Variants in ANKRD17 observed in about 807,000 individuals in gnomAD.
ANKRD17 encodes the protein ankyrin repeat domain 17.
ANKRD17 carries 19 observed loss-of-function variants against 229.7 expected under a neutral mutation model. The ratio of observed to expected loss-of-function variants is 0.08; its 90% CI spans 0.06 to 0.12. ANKRD17 has a LOEUF of 0.12. ANKRD17 is among the 10% of genes least tolerant of loss of function. The pLI, the probability that ANKRD17 is intolerant of heterozygous loss-of-function variation, is 1.00. For synonymous variants in ANKRD17, 1,112 were observed against 1,146.1 expected (o/e 0.97, Z 0.60); for missense variants, 2,176 against 3,176.8 (o/e 0.68, Z 7.57).
intron 16 of ANKRD17, among the ~76,000 whole-genome samples, chr4:73,129,800 T>C (rs1038635705): frequency 5.7e-4 from 86 of 150,708 alleles, no homozygotes; most frequent in African/African-American, 2.0e-3. Context: ...AGTCTTGCTC[T>C]GTCGCCAAGG....
At chr4:73,232,710 C>G (rs1000861419) in intron 1 of ANKRD17, among the ~76,000 whole-genome samples, 1 of 152,060 alleles carries the variant, frequency 6.6e-6, no homozygotes, top group African/African-American at 2.4e-5. Flanking sequence ...GAGGCCACCA[C>G]ATGTCTGCAA....
intron 20 of ANKRD17, 98 bp downstream of exon 20, chr4:73,120,783 T>C: frequency 1.0e-6 from 1 of 1,003,220 alleles, no homozygotes; most frequent in Non-Finnish European, 1.4e-6. Context: ...GAGATAAATG[T>C]TACTAGAAAG....
At chr4:73,214,251 T>A (rs895954936) in intron 1 of ANKRD17, among the ~76,000 whole-genome samples, 1 of 152,178 alleles carries the variant, frequency 6.6e-6, no homozygotes, top group Admixed American at 6.5e-5. Flanking sequence ...ACTGGAGAAG[T>A]TGGTACTATG....
At chr4:73,243,566 AGCTT>A (rs1197093894) in intron 1 of ANKRD17, among the ~76,000 whole-genome samples, 1 of 152,218 alleles carries the variant, frequency 6.6e-6, no homozygotes, top group Admixed American at 6.5e-5. Context: ...ACATGACCAA[AGCTT>A]GGCCCACAAG....
chr4:73,140,060 G>C lies in ANKRD17; in HGVS notation c.2556C>G (p.Asn852Lys). 6.2e-7 allele frequency: 1 copy of C among 1,614,052 alleles called. No individual in the cohort carries two copies. Among genetic ancestry groups the C allele is most frequent in the South Asian group, 1.1e-5 (1 of 91,076 alleles). Residue 852 changes from asparagine (N) to lysine (K), a missense_variant, in exon 15 of 34, where the codon AAC (asparagine) becomes AAG (lysine). Physicochemically the swap from Asn to Lys is moderately conservative, Grantham distance 94. Around this residue, in one of 18 missense-constraint regions of ANKRD17, gnomAD observed 275 missense variants for 386.9 expected, o/e 0.71. Coordinates refer to ENST00000358602, the MANE Select transcript of ANKRD17 (RefSeq NM_032217.5). The stretch of plus-strand genomic sequence containing the variant: ...TCTGAATTTGTTCCTCCCTTGTTTT[G>C]TTGAGCTCCTCGATCTTCTCCTTGG... The part of the protein sequence containing the change: ...QLTKEKIEEL[N>K]KTREEQIQKK...
intron 2 of ANKRD17, among the ~76,000 whole-genome samples, chr4:73,172,279 C>CTGAA (rs1734141231): frequency 6.6e-6 from 1 of 152,096 alleles, no homozygotes; most frequent in Non-Finnish European, 1.5e-5. Context: ...ACATAAAGTA[C>CTGAA]TGAAGGCAAA....
intron 17 of ANKRD17, 60 bp from the exon 18 acceptor site, chr4:73,125,118 C>T: frequency 6.3e-7 from 1 of 1,599,198 alleles, no homozygotes; most frequent in Non-Finnish European, 8.5e-7. Flanking sequence ...AATATCTGAC[C>T]TTCAAAATAG....
chr4:73,145,060 G>C (rs372149506), intron 10 of ANKRD17, among the ~76,000 whole-genome samples: 268 of 152,218 alleles, frequency 1.8e-3, no homozygotes, highest in African/African-American at 6.1e-3. Context: ...AGTGAGCACT[G>C]GAAATAATTT....
chr4:73,098,143 T>C lies in ANKRD17; in HGVS notation c.4951A>G (p.Lys1651Glu), dbSNP rs778139385. The change falls in exon 26 of 34, where the codon AAG becomes GAG. Residue 1651 changes from lysine (K) to glutamate (E), a missense_variant. Physicochemically the swap from Lys to Glu is moderately conservative, Grantham distance 56. This residue lies in a region of ANKRD17 where 98 missense variants were observed against 101.0 expected (regional missense o/e 0.97). Coordinates refer to ENST00000358602, the MANE Select transcript of ANKRD17 (RefSeq NM_032217.5). Reference sequence around the variant, plus strand: ...AATGTAACAAGAACTGATGGCTGCTTTTTGCTGCTCACAGTGGTAGTGACC... The same window carrying C: ...AATGTAACAAGAACTGATGGCTGCTCTTTGCTGCTCACAGTGGTAGTGACC... ...AVVTTTVSSK[K>E]QPSVLVTFPK... 3.7e-6 allele frequency: 6 copies of C among 1,613,868 alleles called. No individual in the cohort carries two copies. The highest frequency in any genetic ancestry group is 4.5e-5 in the East Asian group (2 of 44,874).
intron 1 of ANKRD17, among the ~76,000 whole-genome samples, chr4:73,244,898 T>G (rs1386892184): frequency 6.6e-6 from 1 of 152,226 alleles, no homozygotes; most frequent in Non-Finnish European, 1.5e-5. Flanking sequence ...ATATGCCTAC[T>G]AAGTTTGTAG....
At chr4:73,119,211 T>G (rs1726391820) in intron 21 of ANKRD17, among the ~76,000 whole-genome samples, 1 of 152,074 alleles carries the variant, frequency 6.6e-6, no homozygotes, top group South Asian at 2.1e-4. Context: ...TAGAATGAAA[T>G]GACACAGTAA....
At chr4:73,097,087 A>G in intron 27 of ANKRD17, 30 bp downstream of exon 27, 4 of 1,602,010 alleles carry the variant, frequency 2.5e-6, no homozygotes, top group Non-Finnish European at 3.4e-6. Context: ...TATATAGCAC[A>G]TAAAAAGAAT....
At chr4:73,151,151 C>T (rs932019544) in intron 7 of ANKRD17, among the ~76,000 whole-genome samples, 31 of 152,100 alleles carry the variant, frequency 2.0e-4, no homozygotes, top group African/African-American at 7.5e-4. Flanking sequence ...GCCGAGATTA[C>T]AGTCATAAGC....
chr4:73,214,742 G>A (rs1408467155), intron 1 of ANKRD17, among the ~76,000 whole-genome samples: 11 of 150,540 alleles, frequency 7.3e-5, no homozygotes, highest in Admixed American at 5.3e-4. Context: ...AGTCGCTCAC[G>A]CCTGTAATGC....
At chr4:73,153,831 T>C in intron 6 of ANKRD17, 49 bp downstream of exon 6, 3 of 1,215,742 alleles carry the variant, frequency 2.5e-6, no homozygotes, top group Non-Finnish European at 3.3e-6. Context: ...AAAATAATTA[T>C]AATTTCACAT....
chr4:73,256,745 T>G (rs571575863), intron 1 of ANKRD17, among the ~76,000 whole-genome samples: 2 of 152,322 alleles, frequency 1.3e-5, no homozygotes, highest in African/African-American at 2.4e-5. Flanking sequence ...CTTCCTTGTT[T>G]CAAATGCCGC....
At chr4:73,206,049 G>C (rs1200167797) in intron 1 of ANKRD17, among the ~76,000 whole-genome samples, 3 of 152,140 alleles carry the variant, frequency 2.0e-5, no homozygotes, top group South Asian at 2.1e-4. Flanking sequence ...CCATTCAGGG[G>C]TTTGAACAGC....
intron 26 of ANKRD17, among the ~76,000 whole-genome samples, chr4:73,097,594 TG>T (rs1243693025): frequency 6.6e-6 from 1 of 151,858 alleles, no homozygotes; most frequent in East Asian, 1.9e-4. Flanking sequence ...GCCATCACAT[TG>T]GCTAATTAAA....
intron 16 of ANKRD17, among the ~76,000 whole-genome samples, chr4:73,127,434 C>T (rs1560560486): frequency 6.6e-6 from 1 of 151,706 alleles, no homozygotes; most frequent in African/African-American, 2.4e-5. Flanking sequence ...TTTTTTAATG[C>T]GACTACTAGA....
Sources: allele counts gnomAD v4.1 joint callset (sites outside exome capture counted in the v4.1 genomes callset), GRCh38; gene constraint gnomAD v4.1.1; regional missense constraint gnomAD v4.1.1; transcripts MANE v1.5; gene names NCBI Gene and HGNC (gene_info 2026-07-23, HGNC 2026-07-21).